The following AGBL4 variants were observed in gnomAD, a reference collection of about 807,000 sequenced individuals.
The protein encoded by AGBL4 is AGBL carboxypeptidase 4.
AGBL4 carries 58 observed loss-of-function variants against 66.4 expected under a neutral mutation model. The observed-to-expected ratio is 0.87, with a 90% CI of 0.71 to 1.09. The LOEUF is 1.09. Among genes scored for constraint, AGBL4 ranks in the 50% least tolerant of loss-of-function variants. The probability of loss-of-function intolerance (pLI) is 0.00; values close to 1 mark genes in which losing one functional copy is unlikely to be tolerated. For missense variants in AGBL4, 579 were observed against 631.0 expected (o/e 0.92, Z 0.88); for synonymous variants, 234 against 222.9 (o/e 1.05, Z -0.44).
chr1:49,872,393 C>T (rs1646858715), intron 1 of AGBL4, among the ~76,000 whole-genome samples: 1 of 151,978 alleles, frequency 6.6e-6, no homozygotes, highest in African/African-American at 2.4e-5. Context: ...ACTGGAATGA[C>T]ATATTTTCAA....
intron 8 of AGBL4, chr1:48,647,739 GCTTT>G (rs1645861484): frequency 3.0e-6 from 1 of 333,158 alleles, no homozygotes; most frequent in Non-Finnish European, 6.0e-6. Flanking sequence ...GGGCGTGGGG[GCTTT>G]CTTCTCTGCA....
At chr1:48,538,062 A>G (rs1644002712) in intron 12 of AGBL4, among the ~76,000 whole-genome samples, 1 of 152,238 alleles carries the variant, frequency 6.6e-6, no homozygotes, top group Non-Finnish European at 1.5e-5. Context: ...TTCTCCTGCA[A>G]GAGTTTCTAA....
At chr1:49,036,234 C>G (rs1664640777) in intron 5 of AGBL4, among the ~76,000 whole-genome samples, 1 of 151,586 alleles carries the variant, frequency 6.6e-6, no homozygotes. Flanking sequence ...ACAAAAAAAT[C>G]TACTATAGAG....
At chr1:49,669,184 T>C (rs1409898608) in intron 3 of AGBL4, among the ~76,000 whole-genome samples, 1 of 151,968 alleles carries the variant, frequency 6.6e-6, no homozygotes, top group Non-Finnish European at 1.5e-5. Context: ...CAGAAGGAAC[T>C]ATATGAGCAA....
chr1:48,618,958 G>C (rs772979539), intron 9 of AGBL4, among the ~76,000 whole-genome samples: 28 of 151,930 alleles, frequency 1.8e-4, no homozygotes, highest in Admixed American at 7.2e-4. Context: ...AAAAAAACGG[G>C]AAATCAATAG....
chr1:49,240,271 T>C (rs1031274444), intron 4 of AGBL4, among the ~76,000 whole-genome samples: 2 of 152,134 alleles, frequency 1.3e-5, no homozygotes, highest in African/African-American at 4.8e-5. Flanking sequence ...TATATCTTTT[T>C]CATTTAATTT....
At chr1:48,818,505 A>T (rs186738985) in intron 6 of AGBL4, among the ~76,000 whole-genome samples, 19 of 152,332 alleles carry the variant, frequency 1.2e-4, no homozygotes, top group African/African-American at 3.8e-4. Context: ...ATCCTCAGAC[A>T]CAAATCCTAA....
intron 1 of AGBL4, among the ~76,000 whole-genome samples, chr1:49,891,244 T>C (rs1383106345): frequency 6.6e-6 from 1 of 152,158 alleles, no homozygotes; most frequent in African/African-American, 2.4e-5. Context: ...ATTGTACACT[T>C]CTGATGCAAA....
chr1:48,990,190 A>C (rs1453141019), intron 5 of AGBL4, among the ~76,000 whole-genome samples: 1 of 152,268 alleles, frequency 6.6e-6, no homozygotes, highest in Middle Eastern at 3.4e-3. Context: ...CTTTTGAGAA[A>C]TGTCTAGTCA....
intron 3 of AGBL4, among the ~76,000 whole-genome samples, chr1:49,390,719 T>A (rs914358969): frequency 2.6e-5 from 4 of 152,210 alleles, no homozygotes; most frequent in Admixed American, 2.6e-4. Flanking sequence ...GTCCCAATCC[T>A]AAAATTCTGT....
At chr1:49,642,498 A>C (rs2124412010) in intron 3 of AGBL4, among the ~76,000 whole-genome samples, 1 of 152,118 alleles carries the variant, frequency 6.6e-6, no homozygotes, top group South Asian at 2.1e-4. Flanking sequence ...CTTGAGGGGA[A>C]AGAACTACAG....
chr1:48,605,012 T>C (rs1645134231), intron 9 of AGBL4, among the ~76,000 whole-genome samples: 1 of 152,268 alleles, frequency 6.6e-6, no homozygotes, highest in Non-Finnish European at 1.5e-5. Flanking sequence ...CCCCTTTCCT[T>C]TGACACATGA....
At chr1:48,707,289 A>T (rs1225013540) in intron 6 of AGBL4, among the ~76,000 whole-genome samples, 1 of 152,182 alleles carries the variant, frequency 6.6e-6, no homozygotes, top group South Asian at 2.1e-4. Flanking sequence ...GTGAGACCCT[A>T]TATCCAAAAC....
chr1:49,556,728 C>G (rs201760662), intron 3 of AGBL4, among the ~76,000 whole-genome samples: 1 of 152,092 alleles, frequency 6.6e-6, no homozygotes, highest in East Asian at 1.9e-4. Flanking sequence ...GCCCTTGGGC[C>G]GTCCATGGGA....
intron 2 of AGBL4, among the ~76,000 whole-genome samples, chr1:49,741,596 A>C (rs1206912841): frequency 2.0e-5 from 3 of 152,150 alleles, no homozygotes; most frequent in Non-Finnish European, 4.4e-5. Flanking sequence ...AGACACAACA[A>C]AAAAAGAGAA....
chr1:48,699,307 C>T (rs752381656), intron 6 of AGBL4, among the ~76,000 whole-genome samples: 1 of 152,206 alleles, frequency 6.6e-6, no homozygotes, highest in Non-Finnish European at 1.5e-5. Flanking sequence ...GACAATAATG[C>T]CTACTTTGTG....
rs1017063659 is a variant in AGBL4 at position 48,776,783 on chromosome 1, G to A, written c.634+90408C>T. 5.2e-6 allele frequency: 8 copies of A among 1,525,144 alleles called. No individual in the cohort carries two copies. Among genetic ancestry groups the A allele is most frequent in the Admixed American group, 2.1e-5 (1 of 48,116 alleles). 94.5% of individuals were successfully genotyped at this position (1,525,144 alleles called of 1,614,324 possible). ...CTGAAGTCGCGCACGCACGACACGG[G>A]CAGCGCGTAGCAGACGTTGTCCTCC... On this transcript the variant is annotated intron_variant, in intron 6 of 13. Coordinates refer to ENST00000371839, the MANE Select transcript of AGBL4 (RefSeq NM_032785.4).
At chr1:48,689,219 A>AAAAAAAAAAAAAAAGAAAAG (rs1553207682) in intron 6 of AGBL4, among the ~76,000 whole-genome samples, 1 of 141,514 alleles carries the variant, frequency 7.1e-6, no homozygotes, top group African/African-American at 3.1e-5. Context: ...AAAAAAAAAA[A>AAAAAAAAAAAAAAAGAAAAG]AAAAGAAAAG....
intron 4 of AGBL4, among the ~76,000 whole-genome samples, chr1:49,108,705 G>A (rs1348491539): frequency 6.6e-6 from 1 of 152,050 alleles, no homozygotes; most frequent in Non-Finnish European, 1.5e-5. Context: ...GCAGAGACAG[G>A]GGTTATGGCA....
Sources: gnomAD v4.1 joint callset for allele counts (sites outside exome capture counted in the v4.1 genomes callset) on GRCh38, gnomAD v4.1.1 for gene constraint, MANE v1.5 for transcripts, NCBI Gene and HGNC (gene_info 2026-07-23, HGNC 2026-07-21) for gene names.